SGCZ: variants seen among roughly 807,000 people sequenced by gnomAD.
SGCZ encodes the protein sarcoglycan zeta.
Under a neutral mutation model 41.3 loss-of-function variants are expected in SGCZ, and 40 were observed. The observed-to-expected ratio is 0.97, with a 90% confidence interval of 0.75 to 1.26. SGCZ has a LOEUF of 1.26. Ranked by LOEUF, SGCZ falls within the 50% of genes most tolerant of loss-of-function variation. SGCZ has a pLI of 0.00. For missense variants in SGCZ, 552 were observed against 369.8 expected (o/e 1.49, Z -4.04); for synonymous variants, 206 against 137.5 (o/e 1.50, Z -3.49).
intron 2 of SGCZ, among the ~76,000 whole-genome samples, chr8:14,546,317 C>A (rs1585066952): frequency 6.6e-6 from 1 of 152,138 alleles, no homozygotes; most frequent in East Asian, 1.9e-4. Flanking sequence ...ATGGAAATGG[C>A]AGCTCAGAAA....
chr8:14,764,534 T>G (rs953156770), intron 1 of SGCZ, among the ~76,000 whole-genome samples: 1 of 152,186 alleles, frequency 6.6e-6, no homozygotes, highest in Non-Finnish European at 1.5e-5. Flanking sequence ...CTACCATAGA[T>G]CTACACCTGC....
intron 1 of SGCZ, among the ~76,000 whole-genome samples, chr8:14,607,726 T>C (rs892690228): frequency 4.6e-5 from 7 of 152,100 alleles, no homozygotes; most frequent in Non-Finnish European, 1.5e-5. Context: ...AAGATAAATA[T>C]AAAGTTAAAA....
chr8:14,953,966 AAGTTT>A (rs1800721511), intron 1 of SGCZ, among the ~76,000 whole-genome samples: 1 of 152,204 alleles, frequency 6.6e-6, no homozygotes, highest in African/African-American at 2.4e-5. Flanking sequence ...TGTTACTGAT[AAGTTT>A]AGTTAAGTAA....
intron 1 of SGCZ, among the ~76,000 whole-genome samples, chr8:14,975,380 C>A (rs1206056286): frequency 6.6e-6 from 1 of 152,102 alleles, no homozygotes; most frequent in Admixed American, 6.6e-5. Context: ...TCCATCGAAG[C>A]ACAATGAGAA....
At chr8:14,313,143 C>T (rs1461165266) in intron 3 of SGCZ, among the ~76,000 whole-genome samples, 2 of 152,088 alleles carry the variant, frequency 1.3e-5, no homozygotes, top group Non-Finnish European at 2.9e-5. Context: ...AATGAGTATG[C>T]TAATGTCTAC....
chr8:14,825,556 C>T (rs1210231097), intron 1 of SGCZ, among the ~76,000 whole-genome samples: 1 of 152,114 alleles, frequency 6.6e-6, no homozygotes, highest in Admixed American at 6.5e-5. Flanking sequence ...ACTTGAACAA[C>T]ATGATGATTT....
At chr8:14,612,066 T>G (rs865982268) in intron 1 of SGCZ, among the ~76,000 whole-genome samples, 10 of 152,364 alleles carry the variant, frequency 6.6e-5, no homozygotes, top group Admixed American at 3.3e-4. Context: ...AAATTTGGAT[T>G]TTGAAAAACA....
chr8:14,592,305 G>C (rs1805266247), intron 1 of SGCZ, among the ~76,000 whole-genome samples: 1 of 151,996 alleles, frequency 6.6e-6, no homozygotes, highest in Non-Finnish European at 1.5e-5. Flanking sequence ...ACATTCTTCT[G>C]TATTAGATTG....
chr8:15,165,445 G>A (rs1423788398), intron 1 of SGCZ, among the ~76,000 whole-genome samples: 2 of 152,180 alleles, frequency 1.3e-5, no homozygotes, highest in East Asian at 1.9e-4. Flanking sequence ...TTTGCCAGGT[G>A]TTTTGAGGTT....
intron 1 of SGCZ, among the ~76,000 whole-genome samples, chr8:14,936,949 C>T (rs1307615376): frequency 6.6e-6 from 1 of 151,128 alleles, no homozygotes; most frequent in Non-Finnish European, 1.5e-5. Flanking sequence ...AAAATAAATC[C>T]TAAAAATTAA....
intron 1 of SGCZ, among the ~76,000 whole-genome samples, chr8:14,750,222 T>C (rs1046271021): frequency 5.3e-5 from 8 of 152,092 alleles, no homozygotes; most frequent in South Asian, 2.1e-4. Flanking sequence ...CTAAAGAGAT[T>C]ACTTTCCTGT....
At chr8:14,868,565 G>A (rs969448194) in intron 1 of SGCZ, among the ~76,000 whole-genome samples, 1 of 152,098 alleles carries the variant, frequency 6.6e-6, no homozygotes, top group African/African-American at 2.4e-5. Flanking sequence ...TGATTTTCTG[G>A]AGAGAGTAAT....
At chr8:14,196,039 AAAT>A (rs1805257229) in intron 4 of SGCZ, among the ~76,000 whole-genome samples, 11 of 152,094 alleles carry the variant, frequency 7.2e-5, no homozygotes, top group Admixed American at 7.2e-4. Context: ...GTTTAAACAA[AAAT>A]AATAATGTTT....
intron 1 of SGCZ, among the ~76,000 whole-genome samples, chr8:15,157,986 C>G (rs1325602400): frequency 6.6e-6 from 1 of 152,308 alleles, no homozygotes; most frequent in African/African-American, 2.4e-5. Flanking sequence ...GAACTGTCCT[C>G]ACTTTTGTTT....
chr8:14,894,063 T>C (rs1448101505), intron 1 of SGCZ, among the ~76,000 whole-genome samples: 2 of 152,062 alleles, frequency 1.3e-5, no homozygotes, highest in African/African-American at 4.8e-5. Flanking sequence ...TCACAGAAAA[T>C]ATAAGAAATA....
At position 14,325,998 on chromosome 8, in the gene SGCZ, G is replaced by C. The variant is rs918442609; in HGVS notation, c.235-1794C>G. Among the ~76,000 whole-genome samples the C allele has an allele frequency of 4.8e-4, 72 of 148,548 alleles. 1 individual carries two copies. Among genetic ancestry groups the C allele is most frequent in the Non-Finnish European group, 9.1e-4 (61 of 67,236 alleles). On this transcript the variant is annotated intron_variant, in intron 2 of 7. Coordinates refer to ENST00000382080, the MANE Select transcript of SGCZ (RefSeq NM_139167.4). ...TTGGTGGCGGGCGCCTGTAGTCCCA[G>C]GTACTCGGAAGGCTGAGGCAGGAGA...
At chr8:14,270,190 G>C (rs1033829967) in intron 3 of SGCZ, among the ~76,000 whole-genome samples, 1 of 152,024 alleles carries the variant, frequency 6.6e-6, no homozygotes, top group Non-Finnish European at 1.5e-5. Flanking sequence ...AAATTAGCTG[G>C]TTGTGGTGAC....
chr8:14,738,538 C>A (rs1426722738), intron 1 of SGCZ, among the ~76,000 whole-genome samples: 2 of 152,044 alleles, frequency 1.3e-5, no homozygotes, highest in African/African-American at 2.4e-5. Flanking sequence ...GAGCAGTGTA[C>A]CTAGCTCGTA....
chr8:14,561,668 C>G (rs1804210993), intron 1 of SGCZ, among the ~76,000 whole-genome samples: 1 of 152,196 alleles, frequency 6.6e-6, no homozygotes, highest in Non-Finnish European at 1.5e-5. Flanking sequence ...AAGTTTTCAG[C>G]ATTCTTGGGT....
Sources: allele counts gnomAD v4.1 joint callset (sites outside exome capture counted in the v4.1 genomes callset), GRCh38; gene constraint gnomAD v4.1.1; transcripts MANE v1.5; gene names NCBI Gene and HGNC (gene_info 2026-07-23, HGNC 2026-07-21).